Variants in ABL1 observed in about 807,000 individuals in gnomAD.
The protein encoded by ABL1 is tyrosine-protein kinase ABL1.
A neutral mutation model predicts 94.7 loss-of-function variants in ABL1; 11 were observed. The observed-to-expected ratio is 0.12, with a 90% CI of 0.07 to 0.19. The LOEUF (loss-of-function observed/expected upper bound fraction) is 0.19. ABL1 is among the 10% of genes least tolerant of loss of function. The pLI is 1.00. For missense variants in ABL1, 1,082 were observed against 1,489.4 expected (o/e 0.73, Z 4.50); for synonymous variants, 656 against 622.4 (o/e 1.05, Z -0.80).
intron 1 of ABL1, among the ~76,000 whole-genome samples, chr9:130,824,858 T>A (rs913931915): frequency 6.6e-6 from 1 of 152,110 alleles, no homozygotes; most frequent in Non-Finnish European, 1.5e-5. Flanking sequence ...TCTGTCACTT[T>A]AAGGAAGAAA....
Position 130,884,404 on chromosome 9 carries a change from G to A in ABL1, c.2114G>A (p.Gly705Asp). Residue 705 changes from glycine to aspartate, a missense_variant, in exon 11 of 11, where the codon GGC becomes GAC. By Grantham distance (94) the Gly-to-Asp change is moderately conservative (BLOSUM62 -1). Coordinates refer to ENST00000318560, the MANE Select transcript of ABL1 (RefSeq NM_005157.6). The surrounding 1 kb of genome is among the most constrained non-coding windows in gnomAD (Gnocchi z 5.6). ...SSRLATGEEE[G>D]GGSSSKRFLR... is the part of the protein sequence containing the mutation. ...CGCCTAGCCACCGGCGAGGAGGAGGGCGGTGGCAGCTCCAGCAAGCGCTTC... is the reference window on the plus strand; with the variant it reads ...CGCCTAGCCACCGGCGAGGAGGAGGACGGTGGCAGCTCCAGCAAGCGCTTC... 1 of 1,612,038 alleles carries A rather than the reference G, an allele frequency of 6.2e-7. No homozygotes were observed. Among genetic ancestry groups the A allele is most frequent in the Non-Finnish European group, 8.5e-7 (1 of 1,179,840 alleles).
intron 1 of ABL1, among the ~76,000 whole-genome samples, chr9:130,725,836 T>TG (rs1387982146): frequency 9.2e-5 from 11 of 119,300 alleles, no homozygotes; most frequent in East Asian, 2.2e-4. Flanking sequence ...TTTTTTTTTT[T>TG]TTTTTTTTTT....
At position 130,796,785 on chromosome 9, in the gene ABL1, CTT is replaced by C. The variant is rs977411318; in HGVS notation, c.137-57273_137-57272del. On this transcript the variant is annotated intron_variant, in intron 1 of 10. Transcript: ENST00000372348. ...TTTTGTTAAAAAAAAAACAAAAAAA[CTT>C]TTTTTGCCTGTAATCCCAGCTACTC... Among the ~76,000 whole-genome samples the C allele has an allele frequency of 6.1e-4, 92 of 150,770 alleles. 2 individuals carry two copies. Among genetic ancestry groups the C allele is most frequent in the African/African-American group, 2.2e-3 (90 of 40,932 alleles).
At position 130,877,027 on chromosome 9, in the gene ABL1, T is replaced by C. The variant is rs774251922; in HGVS notation, c.1271-1388T>C. Reference sequence around the variant, plus strand: ...GCACAAGTTAGTTTCTTAATACCCTTCAGTGGTGGCCAATTAGGTTTTTGC... The same window carrying C: ...GCACAAGTTAGTTTCTTAATACCCTCCAGTGGTGGCCAATTAGGTTTTTGC... On this transcript the variant is annotated intron_variant, in intron 7 of 10. Coordinates refer to ENST00000318560, the MANE Select transcript of ABL1 (RefSeq NM_005157.6). Among the ~76,000 whole-genome samples the C allele has an allele frequency of 4.0e-5, 6 of 148,180 alleles. 1 individual carries two copies. The highest frequency in any genetic ancestry group is 8.9e-5 in the Non-Finnish European group (6 of 67,236).
intron 1 of ABL1, among the ~76,000 whole-genome samples, chr9:130,802,980 G>A (rs150360550): frequency 7.2e-5 from 11 of 152,218 alleles, no homozygotes; most frequent in Admixed American, 5.2e-4. Context: ...GTGATTGTAC[G>A]GGGATTGGAG....
rs1564323347 is a variant in ABL1, at chr9:130,884,116, A to AGAC, written c.1827_1829dup (p.Thr610dup). 6.2e-7 allele frequency: 1 copy of AGAC among 1,613,782 alleles called. No individual in the cohort carries two copies. Among genetic ancestry groups the AGAC allele is most frequent in the East Asian group, 2.2e-5 (1 of 44,884 alleles). On this transcript the variant is annotated inframe_insertion, in exon 11 of 11. Coordinates refer to ENST00000318560, the MANE Select transcript of ABL1 (RefSeq NM_005157.6). The surrounding 1 kb of genome is among the most constrained non-coding windows in gnomAD (Gnocchi z 5.6). ...AGCGCCTTGATCAAGAAGAAGAAGA[A>AGAC]GACAGCCCCAACCCCTCCCAAACGC...
chr9:130,745,496 C>T (rs1328641085), intron 1 of ABL1, among the ~76,000 whole-genome samples: 1 of 151,562 alleles, frequency 6.6e-6, no homozygotes, highest in African/African-American at 2.4e-5. Flanking sequence ...ATCAAACCAA[C>T]AATAGCAAAA....
Position 130,862,942 on chromosome 9 carries a change from C to T in ABL1, c.729C>T (p.Thr243=). ...DKWEMERTDI[T]MKHKLGGGQY... Reference sequence around the variant, plus strand: ...GGGAGATGGAACGCACGGACATCACCATGAAGCACAAGCTGGGCGGGGGCC... The same window carrying T: ...GGGAGATGGAACGCACGGACATCACTATGAAGCACAAGCTGGGCGGGGGCC... The change falls in exon 4 of 11, where the codon ACC becomes ACT. Residue 243 remains threonine (T), a synonymous_variant. Transcript: ENST00000318560. The surrounding 1 kb of genome is among the most constrained non-coding windows in gnomAD (Gnocchi z 5.5). The T allele has an allele frequency of 6.2e-7, 1 of 1,614,198 alleles. No individual in the cohort carries two copies. The highest frequency in any genetic ancestry group is 8.5e-7 in the Non-Finnish European group (1 of 1,180,038).
At chr9:130,776,646 C>A (rs911634218) in intron 1 of ABL1, among the ~76,000 whole-genome samples, 1 of 150,944 alleles carries the variant, frequency 6.6e-6, no homozygotes, top group Non-Finnish European at 1.5e-5. Context: ...TGTTGGTGGA[C>A]AGGCTGGTGT....
intron 1 of ABL1, among the ~76,000 whole-genome samples, chr9:130,773,953 T>A (rs1057387863): frequency 5.9e-5 from 9 of 152,166 alleles, no homozygotes; most frequent in African/African-American, 2.2e-4. Context: ...CTTCCCTGAT[T>A]TACCTCCTTC....
intron 1 of ABL1, among the ~76,000 whole-genome samples, chr9:130,771,981 TG>T (rs1474470873): frequency 6.6e-6 from 1 of 152,150 alleles, no homozygotes; most frequent in Non-Finnish European, 1.5e-5. Context: ...CTCAAACTCC[TG>T]GCCTCAGGTG....
chr9:130,723,912 T>A (rs7046022), intron 1 of ABL1, among the ~76,000 whole-genome samples: 1 of 151,384 alleles, frequency 6.6e-6, no homozygotes, highest in Non-Finnish European at 1.5e-5. Context: ...CCTGGGTTCA[T>A]GCCATTCTCC....
intron 1 of ABL1, among the ~76,000 whole-genome samples, chr9:130,744,782 AG>A (rs1161305975): frequency 6.8e-6 from 1 of 147,752 alleles, no homozygotes; most frequent in African/African-American, 2.5e-5. Flanking sequence ...GCGTGAACCC[AG>A]GAGGCGGAGC....
chr9:130,745,995 G>C (rs1831883178), intron 1 of ABL1, among the ~76,000 whole-genome samples: 1 of 152,142 alleles, frequency 6.6e-6, no homozygotes, highest in Admixed American at 6.5e-5. Flanking sequence ...TCCCTTGCCA[G>C]TTTCATGCTT....
chr9:130,791,917 C>T (rs1336395408), intron 1 of ABL1, among the ~76,000 whole-genome samples: 1 of 152,066 alleles, frequency 6.6e-6, no homozygotes, highest in Non-Finnish European at 1.5e-5. Flanking sequence ...AGTTCTGTCC[C>T]TTTGGAGAAT....
intron 1 of ABL1, among the ~76,000 whole-genome samples, chr9:130,765,395 G>T (rs187528017): frequency 2.5e-4 from 38 of 152,266 alleles, no homozygotes; most frequent in African/African-American, 8.9e-4. Flanking sequence ...AATCCTTGTG[G>T]TGTTGGATAG....
intron 1 of ABL1, among the ~76,000 whole-genome samples, chr9:130,824,032 C>G (rs1830396705): frequency 6.6e-6 from 1 of 152,148 alleles, no homozygotes; most frequent in African/African-American, 2.4e-5. Flanking sequence ...TGATTATTGC[C>G]TAGTGTATTA....
intron 1 of ABL1, among the ~76,000 whole-genome samples, chr9:130,848,204 A>G (rs1358959771): frequency 6.6e-6 from 1 of 152,156 alleles, no homozygotes; most frequent in East Asian, 1.9e-4. Context: ...TAAATTATCA[A>G]TTATGTAAGT....
intron 1 of ABL1, among the ~76,000 whole-genome samples, chr9:130,812,091 A>AGAGT (rs1256203314): frequency 6.6e-6 from 1 of 151,360 alleles, no homozygotes; most frequent in African/African-American, 2.4e-5. Flanking sequence ...AGGGCCAGGC[A>AGAGT]GAGTGGCTCA....
Sources: allele counts gnomAD v4.1 joint callset (sites outside exome capture counted in the v4.1 genomes callset), GRCh38; gene constraint gnomAD v4.1.1; non-coding constraint Gnocchi (gnomAD v3.1); transcripts MANE v1.5; gene names NCBI Gene and HGNC (gene_info 2026-07-23, HGNC 2026-07-21).